TMEM132C: variants seen among roughly 807,000 people sequenced by gnomAD.
TMEM132C encodes protein phosphatase 1, regulatory subunit 152.
A neutral mutation model predicts 61.4 loss-of-function variants in TMEM132C; 29 were observed. The observed-to-expected ratio is 0.47, with a 90% CI of 0.35 to 0.64. The LOEUF is 0.64. Among genes scored for constraint, TMEM132C ranks in the 30% least tolerant of loss-of-function variants. The probability of loss-of-function intolerance (pLI) is 0.00; values close to 1 mark genes in which losing one functional copy is unlikely to be tolerated. For missense variants in TMEM132C, 1,408 were observed against 1,476.9 expected (o/e 0.95, Z 0.76); for synonymous variants, 656 against 633.1 (o/e 1.04, Z -0.54).
intron 2 of TMEM132C, among the ~76,000 whole-genome samples, chr12:128,477,867 C>A (rs979993267): frequency 1.3e-5 from 2 of 152,098 alleles, no homozygotes; most frequent in Admixed American, 1.3e-4. Flanking sequence ...TAGGCGTGAG[C>A]CACCATGGCC....
At chr12:128,324,769 A>G (rs989269856) in intron 1 of TMEM132C, among the ~76,000 whole-genome samples, 1 of 152,182 alleles carries the variant, frequency 6.6e-6, no homozygotes, top group African/African-American at 2.4e-5. Context: ...TTGAGGCTGC[A>G]GTGAACCATG....
chr12:128,455,738 C>A (rs1870316754), intron 2 of TMEM132C, among the ~76,000 whole-genome samples: 1 of 152,116 alleles, frequency 6.6e-6, no homozygotes, highest in Admixed American at 6.5e-5. Flanking sequence ...ACTCCCAGCC[C>A]TAGGAGAGAA....
chr12:128,490,546 A>T (rs948474695), intron 2 of TMEM132C, among the ~76,000 whole-genome samples: 8 of 152,252 alleles, frequency 5.3e-5, no homozygotes, highest in Non-Finnish European at 1.0e-4. Context: ...ATAATGATGC[A>T]TTCTGCAACT....
At chr12:128,380,488 T>C (rs1874365136) in intron 1 of TMEM132C, among the ~76,000 whole-genome samples, 1 of 152,260 alleles carries the variant, frequency 6.6e-6, no homozygotes, top group Non-Finnish European at 1.5e-5. Context: ...GATGTATTAT[T>C]TGAGCATCCC....
chr12:128,603,199 C>T (rs1876265688), intron 3 of TMEM132C, among the ~76,000 whole-genome samples: 1 of 152,142 alleles, frequency 6.6e-6, no homozygotes, highest in African/African-American at 2.4e-5. Context: ...GGAAATTTTG[C>T]ATTATCAGTT....
intron 2 of TMEM132C, among the ~76,000 whole-genome samples, chr12:128,479,538 A>T (rs1871257792): frequency 6.6e-6 from 1 of 152,232 alleles, no homozygotes; most frequent in Admixed American, 6.5e-5. Flanking sequence ...TGCAGGGTCC[A>T]TTGATAAAGT....
chr12:128,582,010 G>A lies in TMEM132C; in HGVS notation c.1122-34142G>A, dbSNP rs147652194. ...CAACTCTGTGGCAGACGAGGGGCCAGATATCAGAGGGTCAGAGATTCCAAC... is the reference window on the plus strand; with the variant it reads ...CAACTCTGTGGCAGACGAGGGGCCAAATATCAGAGGGTCAGAGATTCCAAC... On this transcript the variant is annotated intron_variant, in intron 3 of 8. Transcript: ENST00000435159. 1.5e-4 allele frequency among the ~76,000 whole-genome samples: 23 copies of A among 152,312 alleles called. No individual in the cohort carries two copies. The East Asian group carries it at 4.2e-3, about 28-fold the overall frequency.
chr12:128,407,549 T>C (rs917084651), intron 1 of TMEM132C, among the ~76,000 whole-genome samples: 9 of 152,100 alleles, frequency 5.9e-5, no homozygotes, highest in African/African-American at 2.2e-4. Context: ...GCTCACTTGT[T>C]TGGGGCTGGG....
intron 4 of TMEM132C, among the ~76,000 whole-genome samples, chr12:128,645,725 G>A (rs918492763): frequency 3.9e-5 from 6 of 152,230 alleles, no homozygotes; most frequent in South Asian, 2.1e-4. Context: ...GTCCATCAGC[G>A]TTGGATGGGA....
At chr12:128,324,970 A>G (rs966542752) in intron 1 of TMEM132C, among the ~76,000 whole-genome samples, 1 of 152,232 alleles carries the variant, frequency 6.6e-6, no homozygotes, top group Non-Finnish European at 1.5e-5. Flanking sequence ...ATAAAATTTT[A>G]TAAACAATCT....
chr12:128,692,693 ATTG>A (rs762524155), intron 5 of TMEM132C, among the ~76,000 whole-genome samples: 7 of 152,132 alleles, frequency 4.6e-5, no homozygotes, highest in Non-Finnish European at 5.9e-5. Flanking sequence ...ATGGCCCCTC[ATTG>A]TTGTCCACAT....
rs1366503788 is a variant in TMEM132C at position 128,267,483 on chromosome 12, C to G, written c.81C>G (p.Gly27=). ...GCCTGCTGCTGGGCGCGCTGCTGGG[C>G]AAAGGTAAGGCCGGGGCGGGTGCCT... ...ALSLLLGALL[G]KVIEGHGVTD... Residue 27 remains glycine (G), a synonymous_variant, in exon 1 of 9, where the codon GGC becomes GGG. Coordinates refer to ENST00000435159, the MANE Select transcript of TMEM132C (RefSeq NM_001136103.3). 3 of 1,265,164 alleles carry G rather than the reference C, an allele frequency of 2.4e-6. No homozygotes were observed. The highest frequency in any genetic ancestry group is 2.0e-6 in the Non-Finnish European group (2 of 1,007,948). 78.4% of individuals were successfully genotyped at this position (1,265,164 alleles called of 1,614,324 possible).
At chr12:128,343,087 G>A (rs982861067) in intron 1 of TMEM132C, among the ~76,000 whole-genome samples, 12 of 152,162 alleles carry the variant, frequency 7.9e-5, no homozygotes, top group African/African-American at 2.7e-4. Context: ...GGCAGTTGGG[G>A]AACGTTTAAG....
chr12:128,517,979 A>G (rs1370419390), intron 2 of TMEM132C, among the ~76,000 whole-genome samples: 11 of 152,232 alleles, frequency 7.2e-5, no homozygotes, highest in Non-Finnish European at 1.5e-4. Context: ...CAGGAACCTC[A>G]GGATTATGTT....
intron 1 of TMEM132C, chr12:128,294,230 T>C (rs1450579332): frequency 6.5e-6 from 1 of 154,372 alleles, no homozygotes; most frequent in East Asian, 1.9e-4. Context: ...GGTGTCCTAG[T>C]AGAACAAGCC....
chr12:128,647,590 G>T lies in TMEM132C; in HGVS notation c.1306-21827G>T, dbSNP rs144887377. Among the ~76,000 whole-genome samples, 400 of 152,156 alleles carry T rather than the reference G, an allele frequency of 2.6e-3. 3 individuals carry two copies. The highest frequency in any genetic ancestry group is 0.01 in the Middle Eastern group (3 of 294). ...GATCCCATCAGCATTGGATGTGAGT[G>T]TGTTTACTAGAGTCCATGAGCGTTG... On this transcript the variant is annotated intron_variant, in intron 4 of 8. Coordinates refer to ENST00000435159, the MANE Select transcript of TMEM132C (RefSeq NM_001136103.3).
intron 4 of TMEM132C, among the ~76,000 whole-genome samples, chr12:128,624,022 C>G (rs1471137492): frequency 1.3e-5 from 2 of 152,196 alleles, no homozygotes; most frequent in Admixed American, 1.3e-4. Context: ...CAGGAGGGAA[C>G]ACCATGCCAC....
chr12:128,491,883 G>A (rs1025326979), intron 2 of TMEM132C, among the ~76,000 whole-genome samples: 3 of 151,572 alleles, frequency 2.0e-5, no homozygotes, highest in African/African-American at 7.3e-5. Flanking sequence ...TAAGTTTTAG[G>A]GTACATGTGC....
At chr12:128,438,728 A>G (rs1458186) in intron 2 of TMEM132C, 46,810 of 151,958 alleles carry the variant, frequency 0.31, 7,410 homozygotes, top group South Asian at 0.39. Flanking sequence ...TGTCATTCCA[A>G]AAGAAAATCT....
Sources: gnomAD v4.1 joint callset for allele counts (sites outside exome capture counted in the v4.1 genomes callset) on GRCh38, gnomAD v4.1.1 for gene constraint, MANE v1.5 for transcripts, NCBI Gene and HGNC (gene_info 2026-07-23, HGNC 2026-07-21) for gene names.